Variants in PPM1L observed in about 807,000 individuals in gnomAD.
PPM1L encodes the protein protein phosphatase, Mg2+/Mn2+ dependent 1L.
PPM1L carries 13 observed loss-of-function variants against 31.4 expected under a neutral mutation model. The ratio of observed to expected loss-of-function variants is 0.41; its 90% CI spans 0.27 to 0.66. The LOEUF (loss-of-function observed/expected upper bound fraction) is 0.66. Among genes scored for constraint, PPM1L ranks in the 30% least tolerant of loss-of-function variants. The probability of loss-of-function intolerance (pLI) is 0.29; values close to 1 mark genes in which losing one functional copy is unlikely to be tolerated. For missense variants in PPM1L, 326 were observed against 453.7 expected, an observed-to-expected ratio of 0.72 and a Z score of 2.56; for synonymous variants, 184 against 175.4, an observed-to-expected ratio of 1.05 and a Z score of -0.39.
chr3:160,813,336 T>C (rs566584721), intron 1 of PPM1L, among the ~76,000 whole-genome samples: 1 of 152,300 alleles, frequency 6.6e-6, no homozygotes, highest in Non-Finnish European at 1.5e-5. Context: ...TATGCATTAC[T>C]TTATTTTATT....
chr3:160,939,084 G>A (rs1380928670), intron 1 of PPM1L, among the ~76,000 whole-genome samples: 1 of 152,148 alleles, frequency 6.6e-6, no homozygotes, highest in Non-Finnish European at 1.5e-5. Flanking sequence ...ATGCATTTAT[G>A]CACTTAGCGT....
intron 1 of PPM1L, among the ~76,000 whole-genome samples, chr3:160,950,942 C>G (rs1222857277): frequency 6.6e-6 from 1 of 152,188 alleles, no homozygotes; most frequent in Non-Finnish European, 1.5e-5. Flanking sequence ...GCCCAAGATT[C>G]AGAAAGGGAA....
chr3:161,028,662 A>C (rs768071383), intron 2 of PPM1L, among the ~76,000 whole-genome samples: 7 of 152,148 alleles, frequency 4.6e-5, no homozygotes, highest in Non-Finnish European at 7.3e-5. Flanking sequence ...GCAGAATCAA[A>C]TTACTATCCC....
intron 2 of PPM1L, among the ~76,000 whole-genome samples, chr3:160,979,512 A>T (rs371549457): frequency 9.2e-5 from 14 of 152,130 alleles, no homozygotes; most frequent in East Asian, 3.8e-4. Flanking sequence ...GGCCCCAGCC[A>T]GGAAACAATT....
intron 1 of PPM1L, among the ~76,000 whole-genome samples, chr3:160,925,591 CA>C (rs1186948638): frequency 6.6e-6 from 1 of 152,056 alleles, no homozygotes; most frequent in Non-Finnish European, 1.5e-5. Context: ...AGTAGAAGAC[CA>C]ACTCTTAATT....
intron 2 of PPM1L, among the ~76,000 whole-genome samples, chr3:161,058,106 T>C (rs1266248424): frequency 7.2e-6 from 1 of 139,758 alleles, no homozygotes; most frequent in East Asian, 2.1e-4. Flanking sequence ...GTAGGGTCCA[T>C]CATTTTCTTT....
chr3:160,777,432 A>T (rs1711594364), intron 1 of PPM1L, among the ~76,000 whole-genome samples: 1 of 152,226 alleles, frequency 6.6e-6, no homozygotes, highest in Non-Finnish European at 1.5e-5. Flanking sequence ...CAGTAGTGTT[A>T]TATGTGTTCA....
chr3:160,992,968 T>A (rs1379578613), intron 2 of PPM1L, among the ~76,000 whole-genome samples: 1 of 152,196 alleles, frequency 6.6e-6, no homozygotes, highest in South Asian at 2.1e-4. Flanking sequence ...GGAGCCAAAC[T>A]GAGCCATAAC....
At chr3:160,968,880 T>G (rs190586087) in intron 2 of PPM1L, among the ~76,000 whole-genome samples, 4 of 152,320 alleles carry the variant, frequency 2.6e-5, no homozygotes, top group Non-Finnish European at 5.9e-5. Flanking sequence ...TTAGATCTCC[T>G]TCTCAGAGTT....
intron 1 of PPM1L, among the ~76,000 whole-genome samples, chr3:160,852,188 G>A (rs188956314): frequency 9.6e-4 from 146 of 152,306 alleles, no homozygotes; most frequent in Non-Finnish European, 1.5e-3. Context: ...ACCATTCTGA[G>A]AAGTAAGATT....
chr3:160,785,258 T>C (rs1364209575), intron 1 of PPM1L, among the ~76,000 whole-genome samples: 1 of 152,220 alleles, frequency 6.6e-6, no homozygotes, highest in Non-Finnish European at 1.5e-5. Context: ...TAGAATATTT[T>C]GAGTTTTCTA....
chr3:161,055,247 A>G (rs1719380691), intron 2 of PPM1L, among the ~76,000 whole-genome samples: 3 of 152,310 alleles, frequency 2.0e-5, no homozygotes, highest in African/African-American at 4.8e-5. Context: ...AAAGACTCGT[A>G]AAAACCTCTA....
intron 2 of PPM1L, among the ~76,000 whole-genome samples, chr3:160,972,324 T>A (rs1716373085): frequency 2.0e-5 from 3 of 151,658 alleles, no homozygotes; most frequent in South Asian, 2.1e-4. Context: ...ACATTAGGTA[T>A]ATCTCCTAAT....
At chr3:160,969,241 T>C (rs979686411) in intron 2 of PPM1L, among the ~76,000 whole-genome samples, 9 of 152,206 alleles carry the variant, frequency 5.9e-5, no homozygotes, top group African/African-American at 1.9e-4. Flanking sequence ...CCAAGCACTA[T>C]AATTTTTGGA....
chr3:160,845,772 T>C (rs1371965101), intron 1 of PPM1L, among the ~76,000 whole-genome samples: 1 of 152,080 alleles, frequency 6.6e-6, no homozygotes, highest in African/African-American at 2.4e-5. Context: ...AATTTTTGTA[T>C]AATGTATGTC....
chr3:160,801,402 G>T (rs543805984), intron 1 of PPM1L, among the ~76,000 whole-genome samples: 20 of 152,252 alleles, frequency 1.3e-4, no homozygotes, highest in African/African-American at 3.9e-4. Flanking sequence ...TGTGTTGGAG[G>T]ACTAGAGAAG....
At chr3:161,037,254 C>G (rs1407155489) in intron 2 of PPM1L, among the ~76,000 whole-genome samples, 1 of 152,072 alleles carries the variant, frequency 6.6e-6, no homozygotes, top group East Asian at 1.9e-4. Context: ...TGCTCCTTTG[C>G]TCTTTGTCTC....
chr3:161,072,118 T>TG lies in PPM1L; in HGVS notation c.*2966dup, dbSNP rs1383450260. On this transcript the variant is annotated 3_prime_UTR_variant, in exon 4 of 4. Coordinates refer to ENST00000498165, the MANE Select transcript of PPM1L (RefSeq NM_139245.4). ...GGCAATTTGTACTCTTAACATAGGT[T>TG]GGGGGAGGGACAGCTAGGGAAATTT... 1 of 150,222 alleles carries TG rather than the reference T, an allele frequency of 6.7e-6. No individual in the cohort carries two copies. Among genetic ancestry groups the TG allele is most frequent in the South Asian group, 2.1e-4 (1 of 4,778 alleles). The allele number at this position is 150,222 out of a possible 1,614,324, so 9.3% of individuals were successfully genotyped here. A position where few individuals can be genotyped will look rare whatever the true frequency, so the allele number is the denominator to read the frequency against.
intron 1 of PPM1L, among the ~76,000 whole-genome samples, chr3:160,866,174 C>G (rs1444030417): frequency 1.3e-5 from 2 of 152,120 alleles, no homozygotes; most frequent in Non-Finnish European, 2.9e-5. Flanking sequence ...GGCTAATGCT[C>G]TTCTGAATTT....
Sources: gnomAD v4.1 joint callset for allele counts (sites outside exome capture counted in the v4.1 genomes callset) on GRCh38, gnomAD v4.1.1 for gene constraint, MANE v1.5 for transcripts, NCBI Gene and HGNC (gene_info 2026-07-23, HGNC 2026-07-21) for gene names.